RMND1: variants seen among roughly 807,000 people sequenced by gnomAD.
The protein encoded by RMND1 is required for meiotic nuclear division 1 homolog.
RMND1 carries 41 observed loss-of-function variants against 54.0 expected under a neutral mutation model. The ratio of observed to expected loss-of-function variants is 0.76; its 90% CI spans 0.59 to 0.98. The LOEUF (loss-of-function observed/expected upper bound fraction) is 0.98. RMND1 is among the 50% of genes least tolerant of loss of function. The pLI is 0.00. For missense variants in RMND1, 457 were observed against 532.0 expected, an observed-to-expected ratio of 0.86 and a Z score of 1.39; for synonymous variants, 183 against 181.7, an observed-to-expected ratio of 1.01 and a Z score of -0.06.
chr6:151,412,412 C>G (rs926166596), intron 10 of RMND1, among the ~76,000 whole-genome samples: 2 of 152,162 alleles, frequency 1.3e-5, no homozygotes, highest in Admixed American at 1.3e-4. Flanking sequence ...CCATCTCAGC[C>G]TCCCAAAGGG....
chr6:151,445,218 A>T, intron 2 of RMND1, 90 bp downstream of exon 2: 1 of 1,358,286 alleles, frequency 7.4e-7, no homozygotes, highest in African/African-American at 1.5e-5. Context: ...TAGTTCTCTT[A>T]CGTTGGCGGT....
At chr6:151,427,343 TC>T (rs1780331055) in intron 6 of RMND1, 138 bp downstream of exon 6, 1 of 495,868 alleles carries the variant, frequency 2.0e-6, no homozygotes, top group Non-Finnish European at 3.6e-6. Context: ...GCCACTGCAC[TC>T]CATCCTGGGC....
At chr6:151,425,376 C>T (rs972768630) in intron 6 of RMND1, among the ~76,000 whole-genome samples, 6 of 151,960 alleles carry the variant, frequency 3.9e-5, no homozygotes, top group African/African-American at 1.5e-4. Context: ...ATAACTGACT[C>T]TGGGATCCTA....
intron 8 of RMND1, 65 bp downstream of exon 8, chr6:151,422,476 G>T (rs1780178856): frequency 2.4e-6 from 2 of 817,226 alleles, no homozygotes; most frequent in South Asian, 2.0e-5. Context: ...TTGTTATATT[G>T]GGAAATTCAT....
intron 1 of RMND1, among the ~76,000 whole-genome samples, chr6:151,449,608 T>C (rs1781067952): frequency 1.1e-4 from 17 of 151,944 alleles, no homozygotes; most frequent in Admixed American, 1.1e-3. Context: ...CCCCAACCAC[T>C]ACATTAAAAA....
At position 151,408,220 on chromosome 6, in the gene RMND1, G is replaced by A. The variant is rs116256747; in HGVS notation, c.1201-2384C>T. On this transcript the variant is annotated intron_variant, in intron 10 of 11. Coordinates refer to ENST00000444024, the MANE Select transcript of RMND1 (RefSeq NM_017909.4). The stretch of plus-strand genomic sequence containing the variant: ...AGGTTAAGAAGGTAAGTCAGCTGGG[G>A]GCGGTGGCTCCCATCTGTAATCTCA... Among the ~76,000 whole-genome samples, 819 of 152,116 alleles carry A rather than the reference G, an allele frequency of 5.4e-3. 11 individuals carry two copies. Among genetic ancestry groups the A allele is most frequent in the African/African-American group, 0.019 (787 of 41,510 alleles).
intron 3 of RMND1, among the ~76,000 whole-genome samples, chr6:151,434,769 C>T (rs1008060496): frequency 6.6e-6 from 1 of 152,220 alleles, no homozygotes; most frequent in Non-Finnish European, 1.5e-5. Context: ...CCTATTTTTG[C>T]TACTCTTAGG....
intron 8 of RMND1, 49 bp downstream of exon 8, chr6:151,422,492 T>C: frequency 1.1e-6 from 1 of 937,682 alleles, no homozygotes; most frequent in Non-Finnish European, 1.6e-6. Context: ...TTCATATTTT[T>C]TACATATAAA....
intron 3 of RMND1, among the ~76,000 whole-genome samples, chr6:151,434,395 A>C (rs952573918): frequency 2.0e-5 from 3 of 149,384 alleles, no homozygotes; most frequent in Non-Finnish European, 2.9e-5. Flanking sequence ...ATTCAGACAC[A>C]GACCAAAACT....
intron 2 of RMND1, among the ~76,000 whole-genome samples, chr6:151,439,572 G>C (rs1780710983): frequency 6.6e-6 from 1 of 152,184 alleles, no homozygotes. Flanking sequence ...AAGACATGCT[G>C]GCAACTGTCC....
intron 10 of RMND1, chr6:151,413,779 T>G (rs901864959): frequency 6.6e-6 from 1 of 152,220 alleles, no homozygotes; most frequent in African/African-American, 2.4e-5. Context: ...AAAACTGTGT[T>G]GATGGAGTCC....
At chr6:151,442,529 T>C (rs914097615) in intron 2 of RMND1, among the ~76,000 whole-genome samples, 2 of 152,076 alleles carry the variant, frequency 1.3e-5, no homozygotes, top group Non-Finnish European at 2.9e-5. Context: ...CTGCTATTAT[T>C]GTTTTCTTGT....
chr6:151,405,521 A>G (rs552721329), intron 11 of RMND1, among the ~76,000 whole-genome samples, 199 bp downstream of exon 11: 2 of 152,228 alleles, frequency 1.3e-5, no homozygotes, highest in Non-Finnish European at 2.9e-5. Context: ...CTCAAATTTT[A>G]AAAAGTGGAA....
chr6:151,439,748 C>T (rs1260191525), intron 2 of RMND1, among the ~76,000 whole-genome samples: 1 of 152,160 alleles, frequency 6.6e-6, no homozygotes, highest in East Asian at 1.9e-4. Context: ...CAACCTCTGC[C>T]TCCCCGGTTC....
intron 2 of RMND1, 58 bp downstream of exon 2, chr6:151,445,250 C>G: frequency 6.5e-7 from 1 of 1,529,656 alleles, no homozygotes; most frequent in South Asian, 1.3e-5. Flanking sequence ...GCAACGCACA[C>G]TGGTTTAGCA....
At chr6:151,437,011 C>T (rs1219564245) in intron 2 of RMND1, among the ~76,000 whole-genome samples, 1 of 152,148 alleles carries the variant, frequency 6.6e-6, no homozygotes, top group Non-Finnish European at 1.5e-5. Flanking sequence ...TTTAAATCCC[C>T]AAAGGAATTA....
At chr6:151,406,000 TA>T (rs1431606888) in intron 10 of RMND1, among the ~76,000 whole-genome samples, 164 bp from the exon 11 acceptor site, 1 of 152,240 alleles carries the variant, frequency 6.6e-6, no homozygotes, top group Non-Finnish European at 1.5e-5. Context: ...AGACATTTTG[TA>T]ATGTACAAAT....
intron 9 of RMND1, among the ~76,000 whole-genome samples, chr6:151,419,972 G>A (rs1388826159): frequency 7.2e-6 from 1 of 138,406 alleles, no homozygotes; most frequent in African/African-American, 3.3e-5. Context: ...TATAAATTTA[G>A]ATTTAGTTTT....
chr6:151,418,040 A>C (rs1780056309), intron 9 of RMND1, among the ~76,000 whole-genome samples: 1 of 152,114 alleles, frequency 6.6e-6, no homozygotes. Context: ...TCCTGACCTC[A>C]CGTGATCTGC....
Sources: allele counts gnomAD v4.1 joint callset (sites outside exome capture counted in the v4.1 genomes callset), GRCh38; gene constraint gnomAD v4.1.1; transcripts MANE v1.5; gene names NCBI Gene and HGNC (gene_info 2026-07-23, HGNC 2026-07-21).